Variants in TFEC observed in about 807,000 individuals in gnomAD.
TFEC encodes transcription factor EC.
Under a neutral mutation model 41.6 loss-of-function variants are expected in TFEC, and 31 were observed. That is an observed-to-expected ratio of 0.74 (90% CI 0.56 to 1.01). The LOEUF (loss-of-function observed/expected upper bound fraction) is 1.01, where lower values mean the gene tolerates loss of function less well. TFEC is among the 50% of genes least tolerant of loss of function. The probability of loss-of-function intolerance (pLI) is 0.00; values close to 1 mark genes in which losing one functional copy is unlikely to be tolerated. For synonymous variants in TFEC, 143 were observed against 140.6 expected (o/e 1.02, Z -0.12); for missense variants, 402 against 404.1 (o/e 0.99, Z 0.04).
intron 1 of TFEC, among the ~76,000 whole-genome samples, chr7:116,134,769 G>T (rs1798403370): frequency 6.6e-6 from 1 of 152,046 alleles, no homozygotes; most frequent in Admixed American, 6.6e-5. Flanking sequence ...AAAACAAAAG[G>T]TATGCTATAG....
At chr7:116,144,353 AATC>A (rs1481961084) in intron 1 of TFEC, among the ~76,000 whole-genome samples, 1 of 152,210 alleles carries the variant, frequency 6.6e-6, no homozygotes, top group Non-Finnish European at 1.5e-5. Context: ...TGGCAAACTG[AATC>A]ATGTTAACTG....
intron 1 of TFEC, among the ~76,000 whole-genome samples, chr7:116,151,416 T>C (rs1798758304): frequency 2.0e-5 from 3 of 151,952 alleles, no homozygotes; most frequent in African/African-American, 7.3e-5. Context: ...CTAATTTTTG[T>C]ATTTTTAGTA....
At chr7:115,969,979 T>C (rs1333752204) in intron 3 of TFEC, among the ~76,000 whole-genome samples, 1 of 152,000 alleles carries the variant, frequency 6.6e-6, no homozygotes, top group East Asian at 1.9e-4. Flanking sequence ...TTTTCAGCCA[T>C]GCTATGTTTA....
chr7:116,050,450 G>GA lies in TFEC; in HGVS notation c.198+60257dup, dbSNP rs1189418027. The stretch of plus-strand genomic sequence containing the variant: ...ACAAAGAACTTAAACAAATTTACAA[G>GA]AAAAAATCAAACAACCCCATCAAAA... On this transcript the variant is annotated intron_variant, in intron 3 of 8. Coordinates refer to the TFEC transcript ENST00000484212. 9.2e-5 allele frequency among the ~76,000 whole-genome samples: 14 copies of GA among 152,146 alleles called. No individual in the cohort carries two copies. In the South Asian group the frequency reaches 2.1e-3, roughly 23 times the overall value.
At chr7:116,000,596 C>T (rs1403175301) in intron 1 of TFEC, among the ~76,000 whole-genome samples, 1 of 152,112 alleles carries the variant, frequency 6.6e-6, no homozygotes, top group Non-Finnish European at 1.5e-5. Flanking sequence ...AGTAAAGTTG[C>T]AGGATACAGA....
intron 1 of TFEC, among the ~76,000 whole-genome samples, chr7:115,992,942 G>A (rs940949996): frequency 6.6e-6 from 1 of 152,158 alleles, no homozygotes; most frequent in Non-Finnish European, 1.5e-5. Context: ...TAACATTGAT[G>A]CAAAAATCCT....
At chr7:116,059,534 A>G (rs1796504576) in intron 3 of TFEC, among the ~76,000 whole-genome samples, 1 of 151,960 alleles carries the variant, frequency 6.6e-6, no homozygotes, top group Non-Finnish European at 1.5e-5. Flanking sequence ...GATTTTACAA[A>G]ACAAGAAAAC....
chr7:115,999,246 G>A (rs1411405571), intron 1 of TFEC, among the ~76,000 whole-genome samples: 2 of 151,672 alleles, frequency 1.3e-5, no homozygotes, highest in African/African-American at 4.8e-5. Flanking sequence ...ATGACCAGTG[G>A]GCAAATTAAG....
intron 1 of TFEC, among the ~76,000 whole-genome samples, chr7:115,986,382 T>C (rs996102331): frequency 6.6e-6 from 1 of 152,136 alleles, no homozygotes; most frequent in Non-Finnish European, 1.5e-5. Context: ...GCATACCTAT[T>C]ACCATTCAGC....
At chr7:116,140,520 T>A (rs1798518897) in intron 1 of TFEC, among the ~76,000 whole-genome samples, 1 of 152,220 alleles carries the variant, frequency 6.6e-6, no homozygotes, top group South Asian at 2.1e-4. Context: ...CAAGAACTTT[T>A]ATATAATTTC....
chr7:116,016,754 C>T (rs1189237147), intron 1 of TFEC, among the ~76,000 whole-genome samples: 3 of 151,546 alleles, frequency 2.0e-5, no homozygotes, highest in Non-Finnish European at 1.5e-5. Context: ...TCTATATGTA[C>T]ATAGCATATC....
chr7:116,125,308 G>A (rs993763757), intron 1 of TFEC, among the ~76,000 whole-genome samples: 3 of 152,182 alleles, frequency 2.0e-5, no homozygotes, highest in South Asian at 2.1e-4. Context: ...AAGCAAGGAT[G>A]GGTGTGAGAA....
rs200408858 is a variant in TFEC, at chr7:115,940,696, T to A, written c.899A>T (p.Glu300Val). 4 of 1,613,594 alleles carry A rather than the reference T, an allele frequency of 2.5e-6. No individual in the cohort carries two copies. The African/African-American group carries it at 5.3e-5, about 22-fold the overall frequency. ...TDLSFSAALK[E>V]EQRLDGMLLD... ...TAGCATGCCATCCAATCTTTGTTCC[T>A]CTTTCAATGCAGCACTAAATGATAA... Residue 300 changes from glutamate (E) to valine (V), a missense_variant, in exon 8 of 8, where the codon GAG becomes GTG. Transcript: ENST00000265440.
intron 3 of TFEC, among the ~76,000 whole-genome samples, chr7:116,051,703 G>A (rs1013315551): frequency 6.6e-6 from 1 of 152,076 alleles, no homozygotes; most frequent in African/African-American, 2.4e-5. Context: ...ATTTCATGGA[G>A]GAGGAGGAAA....
At chr7:115,963,853 C>T (rs1792700413) in intron 3 of TFEC, among the ~76,000 whole-genome samples, 1 of 151,522 alleles carries the variant, frequency 6.6e-6, no homozygotes, top group South Asian at 2.1e-4. Context: ...GATGGTTATA[C>T]ATTATGAATG....
chr7:115,935,500 A>G lies in TFEC; in HGVS notation c.*5051T>C, dbSNP rs1016741991. The G allele has an allele frequency of 2.6e-5, 4 of 152,110 alleles. No homozygotes were observed. Among genetic ancestry groups the G allele is most frequent in the African/African-American group, 9.7e-5 (4 of 41,428 alleles). 9.4% of individuals were successfully genotyped at this position (152,110 alleles called of 1,614,324 possible). On this transcript the variant is annotated 3_prime_UTR_variant, in exon 8 of 8. Transcript: ENST00000265440. The stretch of plus-strand genomic sequence containing the variant: ...ATTTTAGCCTTGTATGCCATAAGCA[A>G]CTGCTATGCTGTTAGATAAGATTCT...
Position 115,936,649 on chromosome 7 carries a change from G to A in TFEC, c.*3902C>T, listed in dbSNP as rs1273302387. The A allele has an allele frequency of 6.6e-6, 1 of 151,476 alleles. No individual in the cohort carries two copies. 9.4% of individuals were successfully genotyped at this position (151,476 alleles called of 1,614,324 possible). A position where few individuals can be genotyped will look rare whatever the true frequency, so the allele number is the denominator to read the frequency against. On this transcript the variant is annotated 3_prime_UTR_variant, in exon 8 of 8. Transcript: ENST00000265440. Reference sequence around the variant, plus strand: ...TATAAGAAAATTCCTATATGACTCAGTTTTTCAAAATAAAATAAAAATATA... The same window carrying A: ...TATAAGAAAATTCCTATATGACTCAATTTTTCAAAATAAAATAAAAATATA...
At chr7:115,954,444 C>A in intron 5 of TFEC, 142 bp downstream of exon 5, 1 of 532,622 alleles carries the variant, frequency 1.9e-6, no homozygotes, top group Non-Finnish European at 3.2e-6. Flanking sequence ...GTTAATATTT[C>A]CCAAAATAAA....
chr7:116,109,949 C>T (rs920836427), intron 3 of TFEC, among the ~76,000 whole-genome samples: 1 of 152,134 alleles, frequency 6.6e-6, no homozygotes, highest in African/African-American at 2.4e-5. Context: ...AGCTGGAAAC[C>T]ATCATTCTCA....
Sources: allele counts gnomAD v4.1 joint callset (sites outside exome capture counted in the v4.1 genomes callset), GRCh38; gene constraint gnomAD v4.1.1; transcripts MANE v1.5; gene names NCBI Gene and HGNC (gene_info 2026-07-23, HGNC 2026-07-21).